Variants in DLC1 observed in about 807,000 individuals in gnomAD.
DLC1 encodes rho GTPase-activating protein 7.
In DLC1, 54 loss-of-function variants were observed where a neutral mutation model predicts 140.3. The observed-to-expected ratio is 0.38, with a 90% CI of 0.31 to 0.48. DLC1 has a LOEUF of 0.48. DLC1 is among the 20% of genes least tolerant of loss of function. DLC1 has a pLI of 0.96. For synonymous variants in DLC1, 986 were observed against 728.1 expected, an observed-to-expected ratio of 1.35 and a Z score of -5.70; for missense variants, 2,536 against 1,907.0, an observed-to-expected ratio of 1.33 and a Z score of -6.14.
At chr8:13,453,424 G>GTGTATATATATATGTATATATA in intron 2 of DLC1, among the ~76,000 whole-genome samples, 1 of 56,516 alleles carries the variant, frequency 1.8e-5, no homozygotes, top group South Asian at 4.9e-4. Flanking sequence ...ATATATATAT[G>GTGTATATATATATGTATATATA]TGTATATATA....
intron 4 of DLC1, among the ~76,000 whole-genome samples, chr8:13,372,967 C>G (rs1044992594): frequency 1.3e-5 from 2 of 152,150 alleles, no homozygotes; most frequent in African/African-American, 4.8e-5. Flanking sequence ...TAGGAAGTAG[C>G]TACAGGAAGC....
intron 5 of DLC1, among the ~76,000 whole-genome samples, chr8:13,257,439 G>GAAAAAAAAAAAAAAAAAAAAAA (rs34452124): frequency 9.6e-6 from 1 of 104,468 alleles, no homozygotes; most frequent in African/African-American, 3.7e-5. Context: ...CCTGTCTCAG[G>GAAAAAAAAAAAAAAAAAAAAAA]AAAAAAAAAA....
At chr8:13,591,591 G>A (rs923079900) in intron 1 of DLC1, among the ~76,000 whole-genome samples, 1 of 152,120 alleles carries the variant, frequency 6.6e-6, no homozygotes, top group Non-Finnish European at 1.5e-5. Flanking sequence ...CTTCATAGCA[G>A]CATGAGAACA....
intron 5 of DLC1, among the ~76,000 whole-genome samples, chr8:13,175,597 C>G (rs1410143186): frequency 1.3e-5 from 2 of 152,080 alleles, no homozygotes; most frequent in Non-Finnish European, 2.9e-5. Context: ...CAAAAAGTTG[C>G]AAAAGTAGTA....
At chr8:13,530,037 CAG>C (rs1803046928) in intron 1 of DLC1, among the ~76,000 whole-genome samples, 1 of 152,084 alleles carries the variant, frequency 6.6e-6, no homozygotes. Flanking sequence ...GGAGGAAAAA[CAG>C]AGTCTAATTT....
intron 5 of DLC1, among the ~76,000 whole-genome samples, chr8:13,260,542 A>T (rs1451803391): frequency 6.6e-6 from 1 of 152,184 alleles, no homozygotes; most frequent in African/African-American, 2.4e-5. Context: ...AAGTTGCATG[A>T]TACCCATCTA....
chr8:13,148,569 C>T (rs1027455714), intron 5 of DLC1, among the ~76,000 whole-genome samples: 1 of 152,148 alleles, frequency 6.6e-6, no homozygotes, highest in Non-Finnish European at 1.5e-5. Context: ...CCAACTAAAT[C>T]CTGTGTATGT....
intron 4 of DLC1, among the ~76,000 whole-genome samples, chr8:13,322,447 T>C (rs959575637): frequency 4.6e-5 from 7 of 151,784 alleles, no homozygotes; most frequent in African/African-American, 7.3e-5. Context: ...AATTATTACA[T>C]TGAATTTTAC....
chr8:13,551,500 A>C (rs1489073556), intron 1 of DLC1, among the ~76,000 whole-genome samples: 1 of 152,020 alleles, frequency 6.6e-6, no homozygotes, highest in Non-Finnish European at 1.5e-5. Flanking sequence ...CCTCTTTCAC[A>C]ATAGCATTTT....
intron 1 of DLC1, among the ~76,000 whole-genome samples, chr8:13,520,809 G>A (rs1340460477): frequency 6.6e-6 from 1 of 152,008 alleles, no homozygotes; most frequent in Non-Finnish European, 1.5e-5. Context: ...GCCCATAGAG[G>A]CTGAGGCTCT....
At chr8:13,214,858 G>A in intron 5 of DLC1, 1 of 736,446 alleles carries the variant, frequency 1.4e-6, no homozygotes. Context: ...GGCAATAGAT[G>A]GGTCTCATGA....
At chr8:13,355,991 G>C (rs1733098269) in intron 4 of DLC1, among the ~76,000 whole-genome samples, 1 of 149,484 alleles carries the variant, frequency 6.7e-6, no homozygotes, top group Admixed American at 6.7e-5. Context: ...TCAGGAGGCA[G>C]AGGCAGGAGA....
intron 5 of DLC1, among the ~76,000 whole-genome samples, chr8:13,131,270 T>C (rs1394140012): frequency 1.3e-5 from 2 of 152,182 alleles, no homozygotes; most frequent in African/African-American, 2.4e-5. Flanking sequence ...GAGCTGCTGA[T>C]AGATTTACAT....
intron 5 of DLC1, among the ~76,000 whole-genome samples, chr8:13,258,531 G>A (rs1830346215): frequency 6.6e-6 from 1 of 152,170 alleles, no homozygotes; most frequent in South Asian, 2.1e-4. Context: ...GGATTGGGGG[G>A]AATTAAGCTC....
At chr8:13,224,667 T>C (rs987944819) in intron 5 of DLC1, among the ~76,000 whole-genome samples, 1 of 152,192 alleles carries the variant, frequency 6.6e-6, no homozygotes, top group Non-Finnish European at 1.5e-5. Flanking sequence ...ACTTCCTTCC[T>C]TGAGGAGCTA....
At chr8:13,512,634 T>C (rs17094404) in intron 1 of DLC1, among the ~76,000 whole-genome samples, 7,730 of 152,140 alleles carry the variant, frequency 0.051, 323 homozygotes, top group East Asian at 0.17. Context: ...GCAACAATGA[T>C]TTAGGCTAGA....
chr8:13,168,172 C>T (rs144455913), intron 5 of DLC1, among the ~76,000 whole-genome samples: 3 of 152,256 alleles, frequency 2.0e-5, no homozygotes, highest in Admixed American at 6.5e-5. Context: ...AGACATAAAA[C>T]GTCTATCTCT....
intron 1 of DLC1, among the ~76,000 whole-genome samples, chr8:13,560,455 T>C (rs1804201662): frequency 1.4e-5 from 2 of 138,958 alleles, no homozygotes; most frequent in South Asian, 4.7e-4. Flanking sequence ...AAAATAAAGA[T>C]ACTTCTTAAT....
chr8:13,446,802 C>A (rs781154771), intron 2 of DLC1, among the ~76,000 whole-genome samples: 1 of 151,908 alleles, frequency 6.6e-6, no homozygotes, highest in Non-Finnish European at 1.5e-5. Flanking sequence ...ATTAGCCAGG[C>A]GTGGTGGTGG....
Sources: allele counts gnomAD v4.1 joint callset (sites outside exome capture counted in the v4.1 genomes callset), GRCh38; gene constraint gnomAD v4.1.1; transcripts MANE v1.5; gene names NCBI Gene and HGNC (gene_info 2026-07-23, HGNC 2026-07-21).